RHPN1: variants seen among roughly 807,000 people sequenced by gnomAD.
The protein encoded by RHPN1 is rhophilin-1.
RHPN1 carries 77 observed loss-of-function variants against 74.7 expected under a neutral mutation model. The ratio of observed to expected loss-of-function variants is 1.03; its 90% CI spans 0.86 to 1.25. RHPN1 has a LOEUF of 1.25. Ranked by LOEUF, RHPN1 falls within the 50% of genes most tolerant of loss-of-function variation. The pLI is 0.00. For synonymous variants in RHPN1, 444 were observed against 414.5 expected (o/e 1.07, Z -0.87); for missense variants, 987 against 932.2 (o/e 1.06, Z -0.77).
At chr8:143,369,629 C>A (rs1181927237) in intron 1 of RHPN1, among the ~76,000 whole-genome samples, 1 of 152,220 alleles carries the variant, frequency 6.6e-6, no homozygotes, top group Non-Finnish European at 1.5e-5. Context: ...CCTGCTGAGT[C>A]TGTGCCTGGG....
intron 11 of RHPN1, 76 bp from the exon 12 acceptor site, chr8:143,381,192 T>C (rs990859162): frequency 3.1e-6 from 4 of 1,276,546 alleles, no homozygotes; most frequent in Non-Finnish European, 2.2e-6. Context: ...CTCAGGGTCA[T>C]GCCCTGCGCC....
upstream of RHPN1, chr8:143,367,519 G>A (rs1209248278): frequency 6.6e-6 from 1 of 152,316 alleles, no homozygotes; most frequent in Non-Finnish European, 1.5e-5. Context: ...TGGAAGACAG[G>A]CCCTAGCCAG....
At chr8:143,377,246 C>G in intron 3 of RHPN1, 134 bp from the exon 4 acceptor site, 2 of 654,370 alleles carry the variant, frequency 3.1e-6, no homozygotes, top group Non-Finnish European at 5.3e-6. Context: ...GGATGCCCCC[C>G]AGGACACAGG....
Position 143,382,866 on chromosome 8 carries a change from C to T in RHPN1, c.*215C>T, listed in dbSNP as rs1430106886. 5 of 584,048 alleles carry T rather than the reference C, an allele frequency of 8.6e-6. No homozygotes were observed. In the African/African-American group the frequency reaches 9.3e-5, roughly 11 times the overall value. 36.2% of individuals were successfully genotyped at this position (584,048 alleles called of 1,614,324 possible). On this transcript the variant is annotated 3_prime_UTR_variant, in exon 15 of 15. Coordinates refer to ENST00000289013, the MANE Select transcript of RHPN1 (RefSeq NM_052924.3). ...CACCCACACACAGAAGGATGCCAGT[C>T]CCTCTGTCGGTCTGAGGTCAGCTTC...
At chr8:143,371,592 G>A (rs1817825138) in intron 1 of RHPN1, among the ~76,000 whole-genome samples, 1 of 152,154 alleles carries the variant, frequency 6.6e-6, no homozygotes, top group Admixed American at 6.5e-5. Flanking sequence ...CTCTGGCCAG[G>A]GCCACACTGT....
At chr8:143,369,193 C>A (rs556906112) in intron 1 of RHPN1, 146 bp downstream of exon 1, 119 of 572,706 alleles carry the variant, frequency 2.1e-4, no homozygotes, top group African/African-American at 2.0e-3. Flanking sequence ...GAGCCTGCGT[C>A]CCTCCTCCTC....
At chr8:143,372,478 G>T (rs778499596) in intron 1 of RHPN1, among the ~76,000 whole-genome samples, 3 of 152,120 alleles carry the variant, frequency 2.0e-5, no homozygotes, top group Non-Finnish European at 4.4e-5. Context: ...GGGTTCCCAA[G>T]TGCACATCGG....
rs767536457 is a variant in RHPN1, at chr8:143,380,796, G to A, written c.1411+13G>A. On this transcript the variant is annotated intron_variant, in intron 11 of 14. Transcript: ENST00000289013. ...CCGGACATCCAGCGTGAGCAGCCAG[G>A]GCCTGTCTGGGTGGCTGCATCCCTG... is the stretch of plus-strand genomic sequence containing the variant. 3 of 1,532,466 alleles carry A rather than the reference G, an allele frequency of 2.0e-6. No homozygotes were observed. The highest frequency in any genetic ancestry group is 2.4e-5 in the East Asian group (1 of 41,756). The allele number at this position is 1,532,466 out of a possible 1,614,324, so 94.9% of individuals were successfully genotyped here.
intron 1 of RHPN1, among the ~76,000 whole-genome samples, chr8:143,371,269 G>T (rs1429374856): frequency 6.6e-6 from 1 of 152,156 alleles, no homozygotes; most frequent in African/African-American, 2.4e-5. Context: ...AGAGATGGTG[G>T]GTCAGGTGGG....
Position 143,382,729 on chromosome 8 carries a change from C to A in RHPN1, c.*78C>A. On this transcript the variant is annotated 3_prime_UTR_variant, in exon 15 of 15. Coordinates refer to ENST00000289013, the MANE Select transcript of RHPN1 (RefSeq NM_052924.3). ...GAGCATGCCCTCCCCACCCAGAGGA[C>A]CTCCGGGCAATGCCTGTCCCGCCTC... 7.8e-7 allele frequency: 1 copy of A among 1,282,134 alleles called. No individual in the cohort carries two copies. Among genetic ancestry groups the A allele is most frequent in the Admixed American group, 2.1e-5 (1 of 47,406 alleles). The allele number at this position is 1,282,134 out of a possible 1,614,324, so 79.4% of individuals were successfully genotyped here. A position where few individuals can be genotyped will look rare whatever the true frequency, so the allele number is the denominator to read the frequency against.
chr8:143,377,056 G>C (rs1214578676), intron 3 of RHPN1, among the ~76,000 whole-genome samples: 2 of 26,182 alleles, frequency 7.6e-5, no homozygotes, highest in Non-Finnish European at 4.7e-4. Context: ...GTGTGTCTGT[G>C]TGTGCGCGTG....
At position 143,379,379 on chromosome 8, in the gene RHPN1, C is replaced by T. The variant is rs369529197; in HGVS notation, c.816C>T (p.Ser272=). 6.2e-5 allele frequency: 100 copies of T among 1,600,946 alleles called. No homozygotes were observed. The Admixed American group carries it at 7.0e-4, about 11-fold the overall frequency. The change falls in exon 8 of 15, where the codon TCC becomes TCT. Residue 272 remains serine (S), a synonymous_variant. Transcript: ENST00000289013. ...CGAGCCCAGACATGAGCGCTGCGTC[C>T]CTCTGCGCACTGGAGCAGCTCATGA... The part of the protein sequence containing the change: ...HAPSPDMSAA[S]LCALEQLMMA...
chr8:143,381,994 C>A, intron 14 of RHPN1, 26 bp downstream of exon 14: 1 of 1,545,376 alleles, frequency 6.5e-7, no homozygotes, highest in African/African-American at 1.4e-5. Flanking sequence ...CCCAGAGGGG[C>A]GGTCCCCAGC....
chr8:143,377,059 T>TGC (rs534951358), intron 3 of RHPN1, among the ~76,000 whole-genome samples: 38 of 25,276 alleles, frequency 1.5e-3, no homozygotes, highest in South Asian at 9.7e-3. Context: ...TGTCTGTGTG[T>TGC]GCGCGTGTGT....
At chr8:143,377,582 T>G in intron 4 of RHPN1, 127 bp downstream of exon 4, 1 of 666,762 alleles carries the variant, frequency 1.5e-6, no homozygotes, top group East Asian at 2.8e-5. Context: ...GGAGGGAGGC[T>G]TAAAAGGGAC....
rs758899600 is a variant in RHPN1 at position 143,378,715 on chromosome 8, G to A, written c.479G>A (p.Arg160Gln). ...ALRQAMRTPS[R>Q]NESGLELLTA... The stretch of plus-strand genomic sequence containing the variant: ...CTGCAGGCCATGCGGACCCCCAGCC[G>A]GAATGAGTCGGGCCTGGAGCTGCTC... Residue 160 changes from arginine (R) to glutamine (Q), a missense_variant, in exon 6 of 15, where the codon CGG (arginine) becomes CAG (glutamine). Transcript: ENST00000289013. 4.5e-5 allele frequency: 72 copies of A among 1,595,182 alleles called. No homozygotes were observed. In the Middle Eastern group the frequency reaches 8.3e-4, roughly 18 times the overall value.
Position 143,376,523 on chromosome 8 carries a change from A to G in RHPN1, c.177-2A>G. On this transcript the variant is annotated splice_acceptor_variant, in intron 2 of 14. Transcript: ENST00000289013. LOFTEE classifies it high-confidence loss of function. ...GCTTTCAACTGCCGCGGCCTCCCTC[A>G]GAGCCACCAGCAACAACCGGGTGAG... 6.2e-7 allele frequency: 1 copy of G among 1,612,094 alleles called. No homozygotes were observed. The highest frequency in any genetic ancestry group is 8.5e-7 in the Non-Finnish European group (1 of 1,179,434).
intron 1 of RHPN1, among the ~76,000 whole-genome samples, chr8:143,372,338 G>A (rs1817884053): frequency 6.6e-6 from 1 of 152,160 alleles, no homozygotes; most frequent in South Asian, 2.1e-4. Context: ...CAGGTTCAGG[G>A]AGCTTCTCAG....
At chr8:143,380,021 A>G (rs1818598927) in intron 9 of RHPN1, 36 bp downstream of exon 9, 3 of 1,550,016 alleles carry the variant, frequency 1.9e-6, no homozygotes, top group Non-Finnish European at 2.6e-6. Context: ...GGTACTGCCA[A>G]GGCCCCCCCG....
Sources: allele counts gnomAD v4.1 joint callset (sites outside exome capture counted in the v4.1 genomes callset), GRCh38; gene constraint gnomAD v4.1.1; transcripts MANE v1.5; gene names NCBI Gene and HGNC (gene_info 2026-07-23, HGNC 2026-07-21).